Variants in HS3ST4 observed in about 807,000 individuals in gnomAD.
HS3ST4 encodes the protein heparan sulfate glucosamine 3-O-sulfotransferase 4.
Under a neutral mutation model 29.2 loss-of-function variants are expected in HS3ST4, and 17 were observed. The ratio of observed to expected loss-of-function variants is 0.58; its 90% CI spans 0.40 to 0.87. HS3ST4 has a LOEUF of 0.87. Ranked by LOEUF, HS3ST4 falls within the 40% of genes least tolerant of loss-of-function variation. HS3ST4 has a pLI of 0.00. For synonymous variants in HS3ST4, 314 were observed against 285.7 expected, an observed-to-expected ratio of 1.10 and a Z score of -1.00; for missense variants, 627 against 634.5, an observed-to-expected ratio of 0.99 and a Z score of 0.13.
intron 1 of HS3ST4, among the ~76,000 whole-genome samples, chr16:26,046,815 G>C (rs768142011): frequency 1.1e-4 from 16 of 152,010 alleles, no homozygotes; most frequent in Non-Finnish European, 1.8e-4. Context: ...CATTTAATCT[G>C]CACAGTAACC....
At position 25,944,535 on chromosome 16, in the gene HS3ST4, G is replaced by T. The variant is rs561921282; in HGVS notation, c.735-191077G>T. The stretch of plus-strand genomic sequence containing the variant: ...ATGATATTGTAATGAGCTGGGTTAA[G>T]TTAAGGACATTTACATTGATTTATT... On this transcript the variant is annotated intron_variant, in intron 1 of 1. Transcript: ENST00000331351. Among the ~76,000 whole-genome samples, 11 of 152,318 alleles carry T rather than the reference G, an allele frequency of 7.2e-5. No homozygotes were observed. The East Asian group carries it at 1.7e-3, about 24-fold the overall frequency.
At chr16:25,696,844 T>C (rs1043382833) in intron 1 of HS3ST4, among the ~76,000 whole-genome samples, 3 of 152,070 alleles carry the variant, frequency 2.0e-5, no homozygotes, top group African/African-American at 7.2e-5. Context: ...ACCGAATGCC[T>C]GCCATTGTGG....
intron 1 of HS3ST4, among the ~76,000 whole-genome samples, chr16:25,756,127 T>TACACACACACACACACACAC (rs61054132): frequency 7.1e-6 from 1 of 140,652 alleles, no homozygotes; most frequent in Non-Finnish European, 1.6e-5. Flanking sequence ...CACACACACA[T>TACACACACACACACACACAC]ACACACACAC....
chr16:26,069,358 A>C (rs1898576969), intron 1 of HS3ST4, among the ~76,000 whole-genome samples: 1 of 152,184 alleles, frequency 6.6e-6, no homozygotes, highest in Non-Finnish European at 1.5e-5. Context: ...AGTGAACAGA[A>C]GGTGGTGGAA....
intron 1 of HS3ST4, among the ~76,000 whole-genome samples, chr16:26,000,369 A>G (rs1231446675): frequency 1.3e-5 from 2 of 152,130 alleles, no homozygotes; most frequent in South Asian, 2.1e-4. Context: ...ACAGATTCAA[A>G]TATATATGCT....
At chr16:25,867,772 TA>T (rs770909703) in intron 1 of HS3ST4, among the ~76,000 whole-genome samples, 5 of 152,164 alleles carry the variant, frequency 3.3e-5, no homozygotes, top group Non-Finnish European at 7.4e-5. Context: ...CAAGAGTTAC[TA>T]AATTAATGGG....
intron 1 of HS3ST4, among the ~76,000 whole-genome samples, chr16:26,090,253 C>G (rs1404579133): frequency 2.0e-5 from 3 of 148,998 alleles, no homozygotes; most frequent in Non-Finnish European, 4.4e-5. Flanking sequence ...CATCTGCCTG[C>G]AGTCCCAGTG....
intron 1 of HS3ST4, among the ~76,000 whole-genome samples, chr16:25,775,782 C>T (rs1187858995): frequency 6.6e-6 from 1 of 152,192 alleles, no homozygotes; most frequent in Non-Finnish European, 1.5e-5. Context: ...CTCTTCTGTC[C>T]CTTTCCTTGA....
intron 1 of HS3ST4, among the ~76,000 whole-genome samples, chr16:25,910,641 C>G (rs1207386790): frequency 6.6e-6 from 1 of 150,898 alleles, no homozygotes; most frequent in Non-Finnish European, 1.5e-5. Context: ...GAGAGAGACT[C>G]TGTCTCAAAA....
chr16:25,903,644 T>C (rs1473163189), intron 1 of HS3ST4, among the ~76,000 whole-genome samples: 1 of 152,120 alleles, frequency 6.6e-6, no homozygotes, highest in Non-Finnish European at 1.5e-5. Flanking sequence ...TTCTTCCTTA[T>C]GCCTGTCACT....
chr16:26,030,426 G>T (rs527683941), intron 1 of HS3ST4, among the ~76,000 whole-genome samples: 26 of 152,262 alleles, frequency 1.7e-4, no homozygotes, highest in Middle Eastern at 6.8e-3. Context: ...AAGAAATAAT[G>T]CTGAAATTGT....
chr16:26,126,055 T>C (rs1245376254), intron 1 of HS3ST4, among the ~76,000 whole-genome samples: 1 of 152,228 alleles, frequency 6.6e-6, no homozygotes, highest in Non-Finnish European at 1.5e-5. Context: ...TGTTGCTACT[T>C]TGAACAGAAG....
intron 1 of HS3ST4, among the ~76,000 whole-genome samples, chr16:26,119,149 A>G (rs926649804): frequency 6.6e-6 from 1 of 152,230 alleles, no homozygotes; most frequent in Non-Finnish European, 1.5e-5. Flanking sequence ...TTAGTATCTG[A>G]GCCCAAACAT....
chr16:25,998,853 A>T (rs1396135148), intron 1 of HS3ST4, among the ~76,000 whole-genome samples: 1 of 152,172 alleles, frequency 6.6e-6, no homozygotes, highest in African/African-American at 2.4e-5. Flanking sequence ...TGTCCATATA[A>T]GTTTTTAATA....
At chr16:26,135,223 A>G (rs892001545) in intron 1 of HS3ST4, among the ~76,000 whole-genome samples, 1 of 152,186 alleles carries the variant, frequency 6.6e-6, no homozygotes, top group African/African-American at 2.4e-5. Flanking sequence ...TCATTGCTCA[A>G]TGCTTTTTGA....
intron 1 of HS3ST4, among the ~76,000 whole-genome samples, chr16:26,050,987 G>A (rs9924004): frequency 7.2e-5 from 11 of 152,236 alleles, no homozygotes; most frequent in East Asian, 1.9e-4. Flanking sequence ...AGGGAACCAC[G>A]TGGATAGGAG....
At chr16:25,781,559 C>G (rs1028975014) in intron 1 of HS3ST4, among the ~76,000 whole-genome samples, 4 of 152,168 alleles carry the variant, frequency 2.6e-5, no homozygotes, top group African/African-American at 9.6e-5. Flanking sequence ...AGCTTCTGCA[C>G]AAACTAATTT....
intron 1 of HS3ST4, among the ~76,000 whole-genome samples, chr16:26,058,076 G>A (rs753769377): frequency 1.3e-5 from 2 of 152,188 alleles, no homozygotes; most frequent in Admixed American, 1.3e-4. Context: ...TGCCAATTGG[G>A]AGGCAACACA....
At chr16:26,041,583 T>A (rs1248653062) in intron 1 of HS3ST4, among the ~76,000 whole-genome samples, 4 of 152,076 alleles carry the variant, frequency 2.6e-5, no homozygotes, top group African/African-American at 9.7e-5. Context: ...GTACGGAAAC[T>A]TTTTCTGTGA....
Sources: allele counts gnomAD v4.1 joint callset (sites outside exome capture counted in the v4.1 genomes callset), GRCh38; gene constraint gnomAD v4.1.1; transcripts MANE v1.5; gene names NCBI Gene and HGNC (gene_info 2026-07-23, HGNC 2026-07-21).